Variants in DOCK7 observed in about 807,000 individuals in gnomAD.
DOCK7 encodes dedicator of cytokinesis protein 7.
In DOCK7, 138 loss-of-function variants were observed where a neutral mutation model predicts 271.0. That is an observed-to-expected ratio of 0.51 (90% confidence interval 0.44 to 0.59). The LOEUF (loss-of-function observed/expected upper bound fraction) is 0.59. Ranked by LOEUF, DOCK7 falls within the 20% of genes least tolerant of loss-of-function variation. The pLI, the probability that DOCK7 is intolerant of heterozygous loss-of-function variation, is 0.00. For missense variants in DOCK7, 2,066 were observed against 2,592.4 expected (o/e 0.80, Z 4.41); for synonymous variants, 823 against 876.1 (o/e 0.94, Z 1.07).
intron 27 of DOCK7, among the ~76,000 whole-genome samples, chr1:62,538,972 A>C (rs1301947928): frequency 5.3e-5 from 8 of 152,216 alleles, no homozygotes; most frequent in African/African-American, 1.9e-4. Flanking sequence ...ACCAATAACT[A>C]ATGTTTTCTA....
intron 14 of DOCK7, among the ~76,000 whole-genome samples, chr1:62,615,907 T>A (rs1176071873): frequency 1.3e-5 from 2 of 151,776 alleles, no homozygotes; most frequent in African/African-American, 4.8e-5. Flanking sequence ...TTGAAAAATT[T>A]AACTCCCAGA....
intron 1 of DOCK7, among the ~76,000 whole-genome samples, chr1:62,678,779 A>G (rs1013826947): frequency 4.6e-5 from 7 of 152,184 alleles, no homozygotes; most frequent in Non-Finnish European, 7.4e-5. Flanking sequence ...ATTTGTAAAA[A>G]AAATACTGTA....
chr1:62,579,697 A>G (rs1247235980), intron 16 of DOCK7, among the ~76,000 whole-genome samples: 2 of 29,618 alleles, frequency 6.8e-5, no homozygotes, highest in East Asian at 2.6e-3. Context: ...GTGAGACCGA[A>G]AAAAAAAAAA....
intron 14 of DOCK7, 102 bp from the exon 15 acceptor site, chr1:62,586,726 G>T: frequency 1.6e-6 from 1 of 621,916 alleles, no homozygotes. Context: ...CTGAATTACT[G>T]ATATTGGCTA....
intron 39 of DOCK7, 97 bp downstream of exon 39, chr1:62,495,484 C>A: frequency 1.3e-6 from 1 of 742,798 alleles, no homozygotes; most frequent in Non-Finnish European, 2.0e-6. Flanking sequence ...AGAAAAATCA[C>A]AAATCATTTT....
chr1:62,464,068 CT>C (rs978632624), intron 48 of DOCK7, among the ~76,000 whole-genome samples: 2 of 151,420 alleles, frequency 1.3e-5, no homozygotes, highest in Non-Finnish European at 3.0e-5. Flanking sequence ...AAGCCATTTT[CT>C]TTTTTTTTGA....
intron 21 of DOCK7, 94 bp from the exon 22 acceptor site, chr1:62,552,995 G>T: frequency 7.3e-6 from 5 of 684,688 alleles, no homozygotes; most frequent in Non-Finnish European, 8.5e-6. Flanking sequence ...ATTCCACAAA[G>T]ATCATGAATT....
rs1283964953 is a variant in DOCK7, at chr1:62,542,615, T to G, written c.3038A>C (p.Glu1013Ala). 6.8e-6 allele frequency: 11 copies of G among 1,611,240 alleles called. No individual in the cohort carries two copies. Among genetic ancestry groups the G allele is most frequent in the Non-Finnish European group, 9.3e-6 (11 of 1,178,582 alleles). The change falls in exon 25 of 50, where the codon GAA (glutamate) becomes GCA (alanine). Residue 1013 changes from glutamate to alanine, a missense_variant. Coordinates refer to ENST00000635253, the MANE Select transcript of DOCK7 (RefSeq NM_001367561.1). ...SALQQAWFFF[E>A]LMVKSMVHHL... The stretch of plus-strand genomic sequence containing the variant: ...TGCTCAGTTTTTGCTCACCATTAAT[T>G]CAAAAAAGAACCAGGCTTGTTGCAA...
Position 62,537,974 on chromosome 1 carries a change from G to A in DOCK7, c.3388C>T (p.His1130Tyr). The change falls in exon 28 of 50, where the codon CAC becomes TAC. Residue 1130 changes from histidine to tyrosine, a missense_variant. By Grantham distance (83) the His-to-Tyr change is moderately conservative. Transcript: ENST00000635253. ...DFLRIICSHE[H>Y]YVTLNLPCSL... ...CAGGGTAAGTTTAATGTAACATAGTGCTCATGACTGCAGATGATTCGTAGA... is the reference window on the plus strand; with the variant it reads ...CAGGGTAAGTTTAATGTAACATAGTACTCATGACTGCAGATGATTCGTAGA... The A allele has an allele frequency of 6.2e-7, 1 of 1,614,040 alleles. No homozygotes were observed. Among genetic ancestry groups the A allele is most frequent in the African/African-American group, 1.3e-5 (1 of 75,040 alleles).
chr1:62,462,129 A>G (rs1645548169), intron 48 of DOCK7, among the ~76,000 whole-genome samples: 1 of 152,098 alleles, frequency 6.6e-6, no homozygotes, highest in Admixed American at 6.6e-5. Flanking sequence ...ATAAATTTTA[A>G]AATGTACAAG....
At chr1:62,652,563 C>T (rs1571908870) in intron 4 of DOCK7, among the ~76,000 whole-genome samples, 1 of 152,010 alleles carries the variant, frequency 6.6e-6, no homozygotes, top group Non-Finnish European at 1.5e-5. Flanking sequence ...CAATAAAATG[C>T]CCAGCACACA....
chr1:62,476,059 A>C lies in DOCK7; in HGVS notation c.5724+8T>G. 1 of 1,605,752 alleles carries C rather than the reference A, an allele frequency of 6.2e-7. No homozygotes were observed. The highest frequency in any genetic ancestry group is 8.5e-7 in the Non-Finnish European group (1 of 1,173,538). Reference sequence around the variant, plus strand: ...GTCTATATGTCATTATAGTCGAATCAACTATACCTTGTTAGGATCTAATTT... The same window carrying C: ...GTCTATATGTCATTATAGTCGAATCCACTATACCTTGTTAGGATCTAATTT... On this transcript the variant is annotated splice_region_variant and intron_variant, in intron 45 of 49. Transcript: ENST00000635253.
intron 48 of DOCK7, among the ~76,000 whole-genome samples, chr1:62,460,495 C>G (rs1428873130): frequency 6.6e-6 from 1 of 151,980 alleles, no homozygotes; most frequent in African/African-American, 2.4e-5. Context: ...AGGTTATATA[C>G]AAATACTACA....
At chr1:62,631,657 A>T (rs1462538801) in intron 10 of DOCK7, among the ~76,000 whole-genome samples, 1 of 152,218 alleles carries the variant, frequency 6.6e-6, no homozygotes, top group Non-Finnish European at 1.5e-5. Context: ...TCTGGGGAGA[A>T]GAGAGTAAGT....
chr1:62,571,278 G>A (rs1433861190), intron 18 of DOCK7, among the ~76,000 whole-genome samples: 2 of 152,156 alleles, frequency 1.3e-5, no homozygotes, highest in African/African-American at 4.8e-5. Flanking sequence ...AGACATTCAT[G>A]TGGCCAACAA....
intron 1 of DOCK7, among the ~76,000 whole-genome samples, chr1:62,686,732 T>C (rs1403385033): frequency 2.0e-5 from 3 of 152,126 alleles, no homozygotes; most frequent in Non-Finnish European, 2.9e-5. Context: ...AAACGGAAAT[T>C]TGGCCCAACA....
intron 37 of DOCK7, among the ~76,000 whole-genome samples, chr1:62,500,769 A>G (rs1646759615): frequency 6.6e-6 from 1 of 152,152 alleles, no homozygotes; most frequent in South Asian, 2.1e-4. Flanking sequence ...TCTTTATCTG[A>G]TAAGTTTTGC....
intron 27 of DOCK7, among the ~76,000 whole-genome samples, chr1:62,538,838 C>A (rs1305503634): frequency 6.6e-6 from 1 of 152,120 alleles, no homozygotes; most frequent in Non-Finnish European, 1.5e-5. Flanking sequence ...TCATCCCCAC[C>A]ACCATAAGTT....
chr1:62,521,321 C>T (rs1485949729), intron 31 of DOCK7, among the ~76,000 whole-genome samples: 2 of 151,952 alleles, frequency 1.3e-5, no homozygotes, highest in Non-Finnish European at 2.9e-5. Context: ...AATGCATAGG[C>T]TGAAAATACA....
Sources: gnomAD v4.1 joint callset for allele counts (sites outside exome capture counted in the v4.1 genomes callset) on GRCh38, gnomAD v4.1.1 for gene constraint, MANE v1.5 for transcripts, NCBI Gene and HGNC (gene_info 2026-07-23, HGNC 2026-07-21) for gene names.